Variants in NRG1 observed in about 807,000 individuals in gnomAD.
NRG1 encodes the protein neuregulin 1.
NRG1 carries 18 observed loss-of-function variants against 63.8 expected under a neutral mutation model. The ratio of observed to expected loss-of-function variants is 0.28; its 90% confidence interval spans 0.19 to 0.42. The LOEUF (loss-of-function observed/expected upper bound fraction) is 0.42, where lower values mean the gene tolerates loss of function less well. Ranked by LOEUF, NRG1 falls within the 10% of genes least tolerant of loss-of-function variation. The pLI is 1.00. For missense variants in NRG1, 762 were observed against 814.7 expected (o/e 0.94, Z 0.79); for synonymous variants, 302 against 301.3 (o/e 1.00, Z -0.02).
At chr8:31,967,508 A>G (rs535666714) in intron 1 of NRG1, among the ~76,000 whole-genome samples, 4 of 152,198 alleles carry the variant, frequency 2.6e-5, no homozygotes, top group South Asian at 4.1e-4. Context: ...AAGCAAGGCA[A>G]TAGGTCAAAA....
At chr8:32,748,380 G>C (rs1329620633) in intron 7 of NRG1, among the ~76,000 whole-genome samples, 1 of 151,816 alleles carries the variant, frequency 6.6e-6, no homozygotes, top group Middle Eastern at 3.4e-3. Context: ...GAGAGAGAGA[G>C]AGAGAGAGAG....
chr8:32,529,472 T>G (rs1278328950), intron 1 of NRG1, among the ~76,000 whole-genome samples: 1 of 152,220 alleles, frequency 6.6e-6, no homozygotes, highest in African/African-American at 2.4e-5. Flanking sequence ...TACTATATCT[T>G]TTCACTTTAT....
chr8:32,553,780 G>A (rs536865972), intron 1 of NRG1, among the ~76,000 whole-genome samples: 1 of 152,170 alleles, frequency 6.6e-6, no homozygotes, highest in African/African-American at 2.4e-5. Context: ...ACAGTATATT[G>A]CCAGCAATGT....
chr8:32,676,017 T>A (rs1807015716), intron 5 of NRG1, among the ~76,000 whole-genome samples: 2 of 152,186 alleles, frequency 1.3e-5, no homozygotes, highest in South Asian at 4.1e-4. Flanking sequence ...TTATTTAGGA[T>A]ATATGCCTGA....
In NRG1 at chr8:31,748,665, T is replaced by G. The variant is rs533181775; in HGVS notation, c.37+109234T>G. Among the ~76,000 whole-genome samples, 11 of 152,084 alleles carry G rather than the reference T, an allele frequency of 7.2e-5. 1 individual carries two copies. The highest frequency in any genetic ancestry group is 2.2e-4 in the African/African-American group (9 of 41,546). ...ATAGAATAAAGGTCCTTTTTTCTTA[T>G]GCAGGGCCAGCCCAAGATAAAATTT... On this transcript the variant is annotated intron_variant, in intron 1 of 10. Transcript: ENST00000519301.
intron 1 of NRG1, among the ~76,000 whole-genome samples, chr8:32,264,038 C>T (rs1352763500): frequency 6.6e-6 from 1 of 152,126 alleles, no homozygotes; most frequent in Admixed American, 6.6e-5. Flanking sequence ...ACTTGCCTGC[C>T]TGCTATCTGG....
intron 1 of NRG1, among the ~76,000 whole-genome samples, chr8:32,346,522 C>T (rs989165959): frequency 1.0e-4 from 15 of 149,688 alleles, no homozygotes; most frequent in Admixed American, 8.1e-4. Flanking sequence ...AAATTTCTTC[C>T]TCAAAGCAAA....
At chr8:32,553,661 T>G (rs1834566284) in intron 1 of NRG1, among the ~76,000 whole-genome samples, 1 of 152,178 alleles carries the variant, frequency 6.6e-6, no homozygotes, top group Admixed American at 6.5e-5. Flanking sequence ...AAACCTCACT[T>G]TATTGTATAG....
chr8:32,291,310 A>G (rs1854169362), intron 1 of NRG1, among the ~76,000 whole-genome samples: 1 of 152,188 alleles, frequency 6.6e-6, no homozygotes, highest in Non-Finnish European at 1.5e-5. Context: ...CATAACATAC[A>G]AAGTTAGCCA....
chr8:31,761,283 C>G (rs570349056), intron 1 of NRG1, among the ~76,000 whole-genome samples: 1 of 152,084 alleles, frequency 6.6e-6, no homozygotes, highest in East Asian at 1.9e-4. Flanking sequence ...AGGGGAACAT[C>G]ACACTCTGGG....
downstream of NRG1, among the ~76,000 whole-genome samples, chr8:32,772,366 C>T (rs1831878708): frequency 6.6e-6 from 1 of 152,008 alleles, no homozygotes; most frequent in East Asian, 1.9e-4. Flanking sequence ...AATCATCAGG[C>T]TTGTAATATA....
At chr8:32,344,326 C>CT (rs1401345386) in intron 1 of NRG1, among the ~76,000 whole-genome samples, 422 of 40,422 alleles carry the variant, frequency 0.01, 8 homozygotes, top group East Asian at 0.085. Flanking sequence ...CCTTCTTTCT[C>CT]TTTCTTTCTT....
intron 1 of NRG1, among the ~76,000 whole-genome samples, chr8:32,559,256 A>AAAAAAAAAAAAAAAAAAAAAAAAAAT (rs1393676483): frequency 2.0e-5 from 3 of 150,440 alleles, no homozygotes; most frequent in Non-Finnish European, 4.4e-5. Context: ...AAAAAAAAAA[A>AAAAAAAAAAAAAAAAAAAAAAAAAAT]AAAAAAATCA....
intron 1 of NRG1, among the ~76,000 whole-genome samples, chr8:31,666,141 C>T (rs1806517817): frequency 1.3e-5 from 2 of 152,054 alleles, no homozygotes; most frequent in African/African-American, 4.8e-5. Context: ...CAAACCAGGG[C>T]CCAGTAGTAG....
At chr8:32,004,353 CT>C (rs1813415265) in intron 1 of NRG1, among the ~76,000 whole-genome samples, 1 of 151,620 alleles carries the variant, frequency 6.6e-6, no homozygotes, top group African/African-American at 2.4e-5. Context: ...TTTGTGAAAA[CT>C]CATAAAAGTG....
At chr8:32,680,633 C>T (rs114932648) in intron 5 of NRG1, among the ~76,000 whole-genome samples, 1 of 152,174 alleles carries the variant, frequency 6.6e-6, no homozygotes, top group African/African-American at 2.4e-5. Flanking sequence ...AAGACTTAGC[C>T]AAAGATAACA....
At chr8:31,921,303 A>G (rs906506762) in intron 1 of NRG1, among the ~76,000 whole-genome samples, 3 of 152,140 alleles carry the variant, frequency 2.0e-5, no homozygotes, top group Admixed American at 6.6e-5. Flanking sequence ...GGTGATGTGG[A>G]TGGGCCACTG....
intron 1 of NRG1, among the ~76,000 whole-genome samples, chr8:32,172,529 A>G (rs1840187703): frequency 6.6e-6 from 1 of 151,992 alleles, no homozygotes; most frequent in African/African-American, 2.4e-5. Flanking sequence ...GGCTTCAGAC[A>G]ATCAAACTAC....
At chr8:32,548,966 C>A (rs1833546519) in intron 1 of NRG1, 140 bp downstream of exon 1, 2 of 1,202,036 alleles carry the variant, frequency 1.7e-6, no homozygotes, top group Non-Finnish European at 1.1e-6. Context: ...CCCGTTGAGT[C>A]GCGCGGTGCT....
Sources: allele counts gnomAD v4.1 joint callset (sites outside exome capture counted in the v4.1 genomes callset), GRCh38; gene constraint gnomAD v4.1.1; transcripts MANE v1.5; gene names NCBI Gene and HGNC (gene_info 2026-07-23, HGNC 2026-07-21).